ADCY7: variants seen among roughly 807,000 people sequenced by gnomAD.
ADCY7 encodes the protein adenylate cyclase type 7.
Under a neutral mutation model 120.6 loss-of-function variants are expected in ADCY7, and 72 were observed. That is an observed-to-expected ratio of 0.60 (90% CI 0.49 to 0.73). ADCY7 has a LOEUF of 0.73. Ranked by LOEUF, ADCY7 falls within the 30% of genes least tolerant of loss-of-function variation. The pLI is 0.00. For synonymous variants in ADCY7, 661 were observed against 628.0 expected (o/e 1.05, Z -0.78); for missense variants, 1,227 against 1,486.0 (o/e 0.83, Z 2.87).
chr16:50,314,114 A>C, intron 23 of ADCY7, 52 bp downstream of exon 23: 1 of 1,553,256 alleles, frequency 6.4e-7, no homozygotes, highest in African/African-American at 1.4e-5. Context: ...CTTAAAGGTG[A>C]CCTGTCACCT....
At chr16:50,302,410 C>T (rs956549866) in intron 10 of ADCY7, among the ~76,000 whole-genome samples, 2 of 152,178 alleles carry the variant, frequency 1.3e-5, no homozygotes, top group African/African-American at 2.4e-5. Context: ...CTCCAAAATC[C>T]ACCCCCGCAG....
intron 1 of ADCY7, among the ~76,000 whole-genome samples, chr16:50,258,073 A>T (rs11076529): frequency 6.6e-6 from 1 of 151,818 alleles, no homozygotes; most frequent in Non-Finnish European, 1.5e-5. Flanking sequence ...TTTTAAAATC[A>T]GGATCCAGAG....
At chr16:50,292,527 C>A in intron 4 of ADCY7, 149 bp from the exon 5 acceptor site, 1 of 975,092 alleles carries the variant, frequency 1.0e-6, no homozygotes, top group Non-Finnish European at 1.5e-6. Context: ...GCCTCAGTTT[C>A]CCTGTCTGCC....
intron 21 of ADCY7, 93 bp from the exon 22 acceptor site, chr16:50,312,797 A>T: frequency 9.3e-7 from 1 of 1,069,916 alleles, no homozygotes; most frequent in Non-Finnish European, 1.3e-6. Flanking sequence ...TGGGCTGGGC[A>T]GTTCAGCAGT....
chr16:50,295,814 G>A (rs1481596067), intron 7 of ADCY7, among the ~76,000 whole-genome samples: 2 of 152,186 alleles, frequency 1.3e-5, no homozygotes, highest in African/African-American at 2.4e-5. Flanking sequence ...CTGAGTCTGG[G>A]TGGGGCCTTG....
chr16:50,263,802 A>T (rs1307167762), upstream of ADCY7, among the ~76,000 whole-genome samples: 1 of 150,986 alleles, frequency 6.6e-6, no homozygotes, highest in Admixed American at 6.6e-5. Flanking sequence ...TTGGCCCCCG[A>T]TATCTCCCCC....
At chr16:50,291,692 G>T in intron 3 of ADCY7, 44 bp from the exon 4 acceptor site, 1 of 1,612,260 alleles carries the variant, frequency 6.2e-7, no homozygotes, top group South Asian at 1.1e-5. Context: ...GTACGGCCTG[G>T]GGCAGCATCT....
chr16:50,264,708 G>A (rs2033146509), upstream of ADCY7, among the ~76,000 whole-genome samples: 1 of 152,024 alleles, frequency 6.6e-6, no homozygotes, highest in Non-Finnish European at 1.5e-5. Flanking sequence ...GGCTAATGAT[G>A]TTGAGTATCT....
chr16:50,271,273 G>C (rs1305126915), intron 1 of ADCY7, among the ~76,000 whole-genome samples: 1 of 152,076 alleles, frequency 6.6e-6, no homozygotes, highest in East Asian at 1.9e-4. Flanking sequence ...ACAGGGTCTG[G>C]CTCTGTTGCC....
intron 9 of ADCY7, 77 bp from the exon 10 acceptor site, chr16:50,301,005 C>A: frequency 1.3e-6 from 2 of 1,567,178 alleles, no homozygotes; most frequent in Non-Finnish European, 1.7e-6. Context: ...GGGCCCAGGC[C>A]TGCCTGCTGT....
chr16:50,265,443 C>T (rs1235166009), upstream of ADCY7, among the ~76,000 whole-genome samples: 1 of 152,188 alleles, frequency 6.6e-6, no homozygotes, highest in Non-Finnish European at 1.5e-5. Flanking sequence ...TGGGGCCTGG[C>T]ACAGAGACAG....
chr16:50,294,629 C>A lies in ADCY7; in HGVS notation c.837-11C>A. On this transcript the variant is annotated splice_polypyrimidine_tract_variant and intron_variant, in intron 6 of 25. Coordinates refer to ENST00000673801, the MANE Select transcript of ADCY7 (RefSeq NM_001114.5). ...GCTCTGACACTCCCTCCCACCCTGC[C>A]CCATCCCCAGCATCCTCTATGCGGA... 2 of 1,531,728 alleles carry A rather than the reference C, an allele frequency of 1.3e-6. No individual in the cohort carries two copies. Among genetic ancestry groups the A allele is most frequent in the Non-Finnish European group, 1.8e-6 (2 of 1,111,174 alleles). 94.9% of individuals were successfully genotyped at this position (1,531,728 alleles called of 1,614,324 possible). A position where few individuals can be genotyped will look rare whatever the true frequency, so the allele number is the denominator to read the frequency against.
At position 50,313,997 on chromosome 16, in the gene ADCY7, A is replaced by G; in HGVS notation, c.2791A>G (p.Lys931Glu). 1 of 1,614,180 alleles carries G rather than the reference A, an allele frequency of 6.2e-7. No homozygotes were observed. Among genetic ancestry groups the G allele is most frequent in the Non-Finnish European group, 8.5e-7 (1 of 1,180,002 alleles). Reference sequence around the variant, plus strand: ...CAAGTTCAGCGGCGTGGAGAAGATCAAGACCATCGGCAGCACGTACATGGC... The same window carrying G: ...CAAGTTCAGCGGCGTGGAGAAGATCGAGACCATCGGCAGCACGTACATGGC... ...KPKFSGVEKI[K>E]TIGSTYMAAA... is the part of the protein sequence containing the mutation. Residue 931 changes from lysine (K) to glutamate (E), a missense_variant, in exon 23 of 26, where the codon AAG becomes GAG. Lys to Glu is a moderately conservative substitution (Grantham distance 56). Transcript: ENST00000673801.
At position 50,314,996 on chromosome 16, in the gene ADCY7, T is replaced by C. The variant is rs1400056646; in HGVS notation, c.2972-18T>C. 2 of 1,613,840 alleles carry C rather than the reference T, an allele frequency of 1.2e-6. No homozygotes were observed. Among genetic ancestry groups the C allele is most frequent in the African/African-American group, 2.7e-5 (2 of 74,922 alleles). ...GGCTTTGCCTGCACGCTTGGGTAAC[T>C]GTAAACATCATCTTCAGGCATAAAC... On this transcript the variant is annotated intron_variant, in intron 24 of 25. Coordinates refer to ENST00000673801, the MANE Select transcript of ADCY7 (RefSeq NM_001114.5).
intron 1 of ADCY7, among the ~76,000 whole-genome samples, chr16:50,285,187 C>G (rs927838189): frequency 2.6e-5 from 4 of 152,202 alleles, no homozygotes; most frequent in African/African-American, 9.7e-5. Context: ...AGATTTGTAG[C>G]CTGTCTGAGC....
At chr16:50,264,054 C>T (rs1001731829), upstream of ADCY7, among the ~76,000 whole-genome samples, 2 of 152,162 alleles carry the variant, frequency 1.3e-5, no homozygotes, top group Non-Finnish European at 2.9e-5. Flanking sequence ...CTTAGGCACT[C>T]GCCTGTATAA....
chr16:50,310,477 T>C (rs1448799825), intron 18 of ADCY7: 1 of 1,536,310 alleles, frequency 6.5e-7, no homozygotes, highest in African/African-American at 1.4e-5. Context: ...TTTTTTCCCG[T>C]TTAAATGAGC....
intron 1 of ADCY7, among the ~76,000 whole-genome samples, chr16:50,250,601 T>A (rs954166291): frequency 6.8e-6 from 1 of 146,630 alleles, no homozygotes; most frequent in South Asian, 2.2e-4. Context: ...AAACTCTGTC[T>A]CTATTTTTAA....
chr16:50,302,132 C>G (rs976853950), intron 10 of ADCY7, among the ~76,000 whole-genome samples: 1 of 150,500 alleles, frequency 6.6e-6, no homozygotes, highest in African/African-American at 2.4e-5. Flanking sequence ...TCTCCTGTCC[C>G]CCTCACCCCA....
Sources: gnomAD v4.1 joint callset for allele counts (sites outside exome capture counted in the v4.1 genomes callset) on GRCh38, gnomAD v4.1.1 for gene constraint, MANE v1.5 for transcripts, NCBI Gene and HGNC (gene_info 2026-07-23, HGNC 2026-07-21) for gene names.